AP1S2: variants seen among roughly 807,000 people sequenced by gnomAD.
AP1S2 encodes the protein adaptor related protein complex 1 subunit sigma 2, also known as AP-1 complex subunit sigma-2.
In AP1S2, 1 loss-of-function variant was observed where a neutral mutation model predicts 14.3. That is an observed-to-expected ratio of 0.07 (90% CI 0.02 to 0.33). The LOEUF is 0.33. AP1S2 is among the 10% of genes least tolerant of loss of function. The pLI, the probability that AP1S2 is intolerant of heterozygous loss-of-function variation, is 0.99. For synonymous variants in AP1S2, 30 were observed against 40.5 expected, an observed-to-expected ratio of 0.74 and a Z score of 0.99; for missense variants, 30 against 117.7, an observed-to-expected ratio of 0.25 and a Z score of 3.45.
At chrX:15,846,839 G>C (rs930105496) in intron 2 of AP1S2, among the ~76,000 whole-genome samples, 2 of 111,787 alleles carry the variant, frequency 1.8e-5, no homozygotes, top group African/African-American at 6.5e-5. Flanking sequence ...CCCTAGAAGA[G>C]GGAATAAGGT....
intron 4 of AP1S2, among the ~76,000 whole-genome samples, chrX:15,834,045 T>A (rs182901105): frequency 3.6e-5 from 4 of 111,499 alleles, no homozygotes; most frequent in Admixed American, 9.6e-5. Flanking sequence ...TGTACAACTA[T>A]AAACCATGTA....
intron 4 of AP1S2, chrX:15,830,065 C>T: frequency 1.4e-6 from 1 of 739,506 alleles, no homozygotes. Context: ...GAAGTACATG[C>T]AATACTTTTA....
At position 15,832,065 on chromosome X, in the gene AP1S2, A is replaced by G. The variant is rs977905853; in HGVS notation, c.427-3865T>C. ...GGTTTTTAACCGTTTACTTATACCT[A>G]CAAAAGCAAAAAATCCAAAGAATTT... On this transcript the variant is annotated intron_variant, in intron 4 of 5. Coordinates refer to ENST00000672987, the MANE Select transcript of AP1S2 (RefSeq NM_001272071.2). 2.5e-5 allele frequency: 19 copies of G among 745,810 alleles called. No homozygotes were observed. In the African/African-American group the frequency reaches 4.2e-4, roughly 16 times the overall value. The allele number at this position is 745,810 out of a possible 1,213,427, so 61.5% of individuals were successfully genotyped here. A position where few individuals can be genotyped will look rare whatever the true frequency, so the allele number is the denominator to read the frequency against.
intron 4 of AP1S2, among the ~76,000 whole-genome samples, chrX:15,829,640 A>G (rs1031105900): frequency 8.9e-6 from 1 of 112,377 alleles, no homozygotes; most frequent in South Asian, 3.6e-4. Flanking sequence ...TTGCACAGGT[A>G]GAGTTTTAAA....
chrX:15,842,703 T>C (rs1490239569), intron 4 of AP1S2, among the ~76,000 whole-genome samples: 1 of 112,065 alleles, frequency 8.9e-6, no homozygotes, highest in Admixed American at 9.5e-5. Flanking sequence ...CATCCTATGC[T>C]TTTCTCTTTG....
At chrX:15,845,265 A>C in intron 4 of AP1S2, 114 bp downstream of exon 4, 1 of 1,159,131 alleles carries the variant, frequency 8.6e-7, no homozygotes, top group Non-Finnish European at 1.2e-6. Context: ...ATGGATGGAC[A>C]CTACATGACA....
chrX:15,834,631 G>A (rs1933568544), intron 4 of AP1S2, among the ~76,000 whole-genome samples: 2 of 94,730 alleles, frequency 2.1e-5, no homozygotes, highest in Admixed American at 1.2e-4. Context: ...ACCCACCACT[G>A]TGCCCGGCTA....
At chrX:15,852,210 C>T in intron 2 of AP1S2, 136 bp downstream of exon 2, 2 of 592,569 alleles carry the variant, frequency 3.4e-6, no homozygotes, top group Non-Finnish European at 5.1e-6. Flanking sequence ...TTTAAAAACA[C>T]AAAGCTTTAC....
In AP1S2 at chrX:15,849,903, C is replaced by T. The variant is rs766408461; in HGVS notation, c.179+2443G>A. Among the ~76,000 whole-genome samples the T allele has an allele frequency of 7.1e-5, 8 of 112,005 alleles. No homozygotes were observed. The South Asian group carries it at 2.6e-3, about 36-fold the overall frequency. On this transcript the variant is annotated intron_variant, in intron 2 of 5. Coordinates refer to ENST00000672987, the MANE Select transcript of AP1S2 (RefSeq NM_001272071.2). ...GCAAAGTTCCCCAAAATAGTCTACACATGCTATTTAAATTTCTCCACCTCT... is the reference window on the plus strand; with the variant it reads ...GCAAAGTTCCCCAAAATAGTCTACATATGCTATTTAAATTTCTCCACCTCT...
At chrX:15,842,541 T>C (rs1017840372) in intron 4 of AP1S2, among the ~76,000 whole-genome samples, 3 of 112,452 alleles carry the variant, frequency 2.7e-5, no homozygotes, top group Non-Finnish European at 5.6e-5. Flanking sequence ...GTTTCGTTTG[T>C]GTACAAAGCA....
intron 4 of AP1S2, chrX:15,830,033 GAA>G: frequency 2.1e-5 from 15 of 713,793 alleles, no homozygotes; most frequent in Non-Finnish European, 2.5e-5. Flanking sequence ...GGATGGAAAA[GAA>G]AAAGTCATTC....
chrX:15,843,024 CAAAA>C (rs10712499), intron 4 of AP1S2, among the ~76,000 whole-genome samples: 2 of 63,497 alleles, frequency 3.1e-5, no homozygotes, highest in Admixed American at 1.8e-4. Context: ...AACTCCATCT[CAAAA>C]AAAAAAAAAA....
chrX:15,829,208 G>C (rs4830996), intron 4 of AP1S2, among the ~76,000 whole-genome samples: 3 of 111,767 alleles, frequency 2.7e-5, no homozygotes, highest in Admixed American at 1.9e-4. Context: ...AGAAAGTCCA[G>C]TGGAAATGAT....
intron 4 of AP1S2, among the ~76,000 whole-genome samples, chrX:15,828,769 T>A (rs763763141): frequency 0.019 from 1,880 of 101,271 alleles, 38 homozygotes; most frequent in African/African-American, 0.06. Flanking sequence ...GACCTCGTTT[T>A]AAAAAAAAAA....
chrX:15,842,145 T>C (rs948389200), intron 4 of AP1S2, among the ~76,000 whole-genome samples: 1 of 112,435 alleles, frequency 8.9e-6, no homozygotes, highest in African/African-American at 3.2e-5. Flanking sequence ...TGTCATGGTA[T>C]CCAAAACAAA....
At chrX:15,835,462 C>T (rs1232517622) in intron 4 of AP1S2, among the ~76,000 whole-genome samples, 1 of 111,947 alleles carries the variant, frequency 8.9e-6, no homozygotes, top group Non-Finnish European at 1.9e-5. Flanking sequence ...TCTTATCTCA[C>T]TACGATCTAT....
chrX:15,849,177 AGTCT>A (rs1934091206), intron 2 of AP1S2, among the ~76,000 whole-genome samples: 1 of 112,402 alleles, frequency 8.9e-6, no homozygotes, highest in South Asian at 3.7e-4. Flanking sequence ...CCAGATTTTC[AGTCT>A]GTCTTTTCAG....
chrX:15,852,961 C>T, intron 1 of AP1S2: 4 of 484,952 alleles, frequency 8.2e-6, no homozygotes, highest in Non-Finnish European at 1.0e-5. Flanking sequence ...ATCCTGAGGC[C>T]GTTCTAGTTC....
intron 4 of AP1S2, among the ~76,000 whole-genome samples, chrX:15,834,280 G>A (rs1353040516): frequency 9.9e-6 from 1 of 101,336 alleles, no homozygotes; most frequent in Non-Finnish European, 2.0e-5. Flanking sequence ...ATTTCTCAAG[G>A]CCAAGAAAAT....
Sources: gnomAD v4.1 joint callset for allele counts (sites outside exome capture counted in the v4.1 genomes callset) on GRCh38, gnomAD v4.1.1 for gene constraint, MANE v1.5 for transcripts, NCBI Gene and HGNC (gene_info 2026-07-23, HGNC 2026-07-21) for gene names.